PDGFRL: variants seen among roughly 807,000 people sequenced by gnomAD.
PDGFRL encodes the protein platelet-derived growth factor receptor-like protein.
PDGFRL carries 46 observed loss-of-function variants against 37.2 expected under a neutral mutation model. That is an observed-to-expected ratio of 1.24 (90% confidence interval 0.98 to 1.58). The LOEUF (loss-of-function observed/expected upper bound fraction) is 1.58, where lower values mean the gene tolerates loss of function less well. Among genes scored for constraint, PDGFRL ranks in the 40% most tolerant of loss-of-function variants. The pLI is 0.00. For missense variants in PDGFRL, 692 were observed against 467.6 expected (o/e 1.48, Z -4.43); for synonymous variants, 251 against 184.3 (o/e 1.36, Z -2.93).
At chr8:17,579,053 C>T (rs1044448820) in intron 1 of PDGFRL, among the ~76,000 whole-genome samples, 5 of 152,130 alleles carry the variant, frequency 3.3e-5, no homozygotes, top group African/African-American at 1.2e-4. Context: ...TAAAAATTAG[C>T]CGGGCGTGGT....
At chr8:17,599,603 C>A (rs537741697) in intron 2 of PDGFRL, among the ~76,000 whole-genome samples, 1 of 152,336 alleles carries the variant, frequency 6.6e-6, no homozygotes, top group East Asian at 1.9e-4. Context: ...AGGAGCCGTA[C>A]AGCTCGCCAC....
In PDGFRL at chr8:17,642,936, G is replaced by A. The variant is rs954502348; in HGVS notation, c.*135G>A. On this transcript the variant is annotated 3_prime_UTR_variant, in exon 6 of 6. Transcript: ENST00000251630. ...CCCAACCCCAGCGTCTCGTGAGTCC[G>A]ACCCAGACATCCAAACTAAAAGGAA... 5.0e-6 allele frequency: 3 copies of A among 604,998 alleles called. No homozygotes were observed. The highest frequency in any genetic ancestry group is 1.9e-5 in the African/African-American group (1 of 53,668). The allele number at this position is 604,998 out of a possible 1,614,324, so 37.5% of individuals were successfully genotyped here. A position where few individuals can be genotyped will look rare whatever the true frequency, so the allele number is the denominator to read the frequency against.
intron 1 of PDGFRL, among the ~76,000 whole-genome samples, chr8:17,586,808 C>A (rs767991969): frequency 2.6e-5 from 4 of 152,142 alleles, no homozygotes; most frequent in Non-Finnish European, 5.9e-5. Context: ...AAAACTGAAA[C>A]AGAAGAGGGC....
At chr8:17,634,671 A>C (rs1345961424) in intron 5 of PDGFRL, among the ~76,000 whole-genome samples, 1 of 152,184 alleles carries the variant, frequency 6.6e-6, no homozygotes, top group South Asian at 2.1e-4. Flanking sequence ...CTTTGCAGGA[A>C]CACAAATGGA....
At chr8:17,626,048 C>G (rs1003473147) in intron 3 of PDGFRL, among the ~76,000 whole-genome samples, 1 of 152,204 alleles carries the variant, frequency 6.6e-6, no homozygotes, top group Non-Finnish European at 1.5e-5. Context: ...ACACGGTTCA[C>G]TTATTCGACT....
intron 5 of PDGFRL, among the ~76,000 whole-genome samples, chr8:17,641,665 C>T (rs982614304): frequency 4.6e-5 from 7 of 152,182 alleles, no homozygotes; most frequent in African/African-American, 1.7e-4. Flanking sequence ...GCATGTTCTG[C>T]TTGCTAAAAT....
At position 17,628,538 on chromosome 8, in the gene PDGFRL, T is replaced by C. The variant is rs1466380261; in HGVS notation, c.557T>C (p.Leu186Ser). Residue 186 changes from leucine to serine, a missense_variant, in exon 4 of 6, where the codon TTG (leucine) becomes TCG (serine). Transcript: ENST00000251630. ...PSPSYFDVVY[L>S]NPDRQAVVPC... ...CCCAGCTACTTCGATGTTGTCTACTTGAACCCGGACAGACAGGCTGTGGTT... is the reference window on the plus strand; with the variant it reads ...CCCAGCTACTTCGATGTTGTCTACTCGAACCCGGACAGACAGGCTGTGGTT... 1 of 1,614,056 alleles carries C rather than the reference T, an allele frequency of 6.2e-7. No homozygotes were observed. Among genetic ancestry groups the C allele is most frequent in the Non-Finnish European group, 8.5e-7 (1 of 1,179,892 alleles).
chr8:17,576,719 G>C, upstream of PDGFRL: 13 of 984,924 alleles, frequency 1.3e-5, no homozygotes, highest in Non-Finnish European at 1.6e-5. Flanking sequence ...ACTCTGGCCA[G>C]ACACAGAGGA....
intron 4 of PDGFRL, among the ~76,000 whole-genome samples, chr8:17,630,167 T>C (rs763476488): frequency 1.3e-5 from 2 of 152,174 alleles, no homozygotes; most frequent in African/African-American, 2.4e-5. Flanking sequence ...GTCCCGTCTT[T>C]CTTCTGTTTT....
chr8:17,620,439 G>A (rs1036606848), intron 2 of PDGFRL, among the ~76,000 whole-genome samples: 13 of 151,964 alleles, frequency 8.6e-5, no homozygotes, highest in African/African-American at 3.1e-4. Flanking sequence ...GATACAGGGT[G>A]GCCATTTACC....
chr8:17,585,683 G>T (rs765283058), intron 1 of PDGFRL, among the ~76,000 whole-genome samples: 2 of 152,124 alleles, frequency 1.3e-5, no homozygotes, highest in Non-Finnish European at 2.9e-5. Flanking sequence ...CATCAGGGAG[G>T]AGAAAACCCA....
intron 2 of PDGFRL, among the ~76,000 whole-genome samples, chr8:17,592,628 A>T (rs1803963487): frequency 1.3e-5 from 2 of 152,052 alleles, no homozygotes; most frequent in African/African-American, 2.4e-5. Flanking sequence ...GGGGACTTCG[A>T]GTTTGCTCTT....
At chr8:17,581,657 GTC>G (rs1483462652) in intron 1 of PDGFRL, among the ~76,000 whole-genome samples, 1 of 152,046 alleles carries the variant, frequency 6.6e-6, no homozygotes, top group Non-Finnish European at 1.5e-5. Flanking sequence ...GTTAAAGAGA[GTC>G]TGGTCCCTCC....
At chr8:17,607,698 C>T (rs562649010) in intron 2 of PDGFRL, among the ~76,000 whole-genome samples, 40 of 152,200 alleles carry the variant, frequency 2.6e-4, no homozygotes, top group African/African-American at 6.5e-4. Context: ...ATGTGGGTGA[C>T]GTCTGGGATT....
chr8:17,632,067 C>T (rs1474658019), intron 4 of PDGFRL, among the ~76,000 whole-genome samples: 2 of 152,222 alleles, frequency 1.3e-5, no homozygotes, highest in Admixed American at 1.3e-4. Flanking sequence ...GCCATCCTCC[C>T]TGGACCTGGT....
intron 2 of PDGFRL, among the ~76,000 whole-genome samples, chr8:17,600,687 C>G (rs1422329167): frequency 6.6e-6 from 1 of 151,674 alleles, no homozygotes; most frequent in African/African-American, 2.4e-5. Context: ...CCTGTAGTTG[C>G]AGCTACTCAG....
At chr8:17,581,854 T>C (rs1361625809) in intron 1 of PDGFRL, among the ~76,000 whole-genome samples, 1 of 152,062 alleles carries the variant, frequency 6.6e-6, no homozygotes, top group Non-Finnish European at 1.5e-5. Flanking sequence ...TATTCCTCTA[T>C]AGCAATGCGA....
intron 2 of PDGFRL, among the ~76,000 whole-genome samples, chr8:17,597,274 G>A (rs1196257112): frequency 1.3e-5 from 2 of 152,206 alleles, no homozygotes; most frequent in African/African-American, 4.8e-5. Context: ...GTCCACCTTG[G>A]CCTCTCAAAG....
At chr8:17,583,598 C>A (rs1038183264) in intron 1 of PDGFRL, among the ~76,000 whole-genome samples, 3 of 152,084 alleles carry the variant, frequency 2.0e-5, no homozygotes, top group Non-Finnish European at 1.5e-5. Flanking sequence ...GGATATTTGA[C>A]CTCCTCCTAA....
Sources: allele counts gnomAD v4.1 joint callset (sites outside exome capture counted in the v4.1 genomes callset), GRCh38; gene constraint gnomAD v4.1.1; transcripts MANE v1.5; gene names NCBI Gene and HGNC (gene_info 2026-07-23, HGNC 2026-07-21).